The following TRAPPC9 variants were observed in gnomAD, a reference collection of about 807,000 sequenced individuals.
TRAPPC9 encodes trafficking protein particle complex subunit 9, also known as IKK2 binding protein.
Under a neutral mutation model 124.0 loss-of-function variants are expected in TRAPPC9, and 83 were observed. The ratio of observed to expected loss-of-function variants is 0.67; its 90% CI spans 0.56 to 0.80. The LOEUF (loss-of-function observed/expected upper bound fraction) is 0.80. TRAPPC9 is among the 30% of genes least tolerant of loss of function. The pLI is 0.00. For synonymous variants in TRAPPC9, 638 were observed against 617.5 expected, an observed-to-expected ratio of 1.03 and a Z score of -0.49; for missense variants, 1,302 against 1,508.3, an observed-to-expected ratio of 0.86 and a Z score of 2.27.
At chr8:139,936,494 A>C (rs1833526527) in intron 19 of TRAPPC9, among the ~76,000 whole-genome samples, 1 of 152,156 alleles carries the variant, frequency 6.6e-6, no homozygotes, top group Admixed American at 6.5e-5. Context: ...ATCCAGTGGG[A>C]GCATGGGGAA....
chr8:139,732,177 A>T lies in TRAPPC9; in HGVS notation c.3081T>A (p.Cys1027Ter), dbSNP rs1396055151. ...GGCAGGCCGCCACAGCCTCGCGGTC[A>T]CATGGCTGTCCGTCCACCAGCACAT... ...QWDVLVDGQP[C>*]DREAVAACQV... is the part of the protein sequence containing the mutation. The change falls in exon 22 of 23, where the codon TGT becomes TGA. Residue 1027 changes from cysteine to a stop codon, truncating the protein, a stop_gained. Transcript: ENST00000438773. LOFTEE classifies it high-confidence loss of function. 1 of 1,596,808 alleles carries T rather than the reference A, an allele frequency of 6.3e-7. No individual in the cohort carries two copies. The highest frequency in any genetic ancestry group is 2.2e-5 in the East Asian group (1 of 44,482).
At chr8:140,045,234 G>A (rs1841509435) in intron 17 of TRAPPC9, among the ~76,000 whole-genome samples, 1 of 152,192 alleles carries the variant, frequency 6.6e-6, no homozygotes, top group Admixed American at 6.5e-5. Context: ...CTGACCCTCT[G>A]CGCTTCAGCT....
chr8:139,848,391 CAGTCT>C (rs1827235898), intron 21 of TRAPPC9, among the ~76,000 whole-genome samples: 1 of 152,258 alleles, frequency 6.6e-6, no homozygotes, highest in African/African-American at 2.4e-5. Context: ...CACAGATATC[CAGTCT>C]AGAGTGGCAT....
At chr8:140,089,994 C>T (rs1230240972) in intron 17 of TRAPPC9, among the ~76,000 whole-genome samples, 1 of 152,088 alleles carries the variant, frequency 6.6e-6, no homozygotes, top group Non-Finnish European at 1.5e-5. Context: ...GCAGGAAAAT[C>T]ACTTGAACAC....
chr8:140,397,394 C>CAAAA (rs144500970), intron 7 of TRAPPC9, among the ~76,000 whole-genome samples: 5 of 151,622 alleles, frequency 3.3e-5, no homozygotes, highest in African/African-American at 1.2e-4. Context: ...AAAAAACAAA[C>CAAAA]AAAAAAAATG....
At chr8:140,167,178 G>A (rs2061855231) in intron 17 of TRAPPC9, among the ~76,000 whole-genome samples, 1 of 151,770 alleles carries the variant, frequency 6.6e-6, no homozygotes. Context: ...CAATCAGTTT[G>A]AGATCAGAGT....
At chr8:140,230,099 G>T (rs2063555670) in intron 16 of TRAPPC9, among the ~76,000 whole-genome samples, 1 of 152,074 alleles carries the variant, frequency 6.6e-6, no homozygotes, top group South Asian at 2.1e-4. Flanking sequence ...CAGCAGCAAG[G>T]CCATCTCACA....
intron 17 of TRAPPC9, chr8:140,039,820 C>T (rs1210381654): frequency 6.6e-6 from 1 of 152,244 alleles, no homozygotes; most frequent in Non-Finnish European, 1.5e-5. Context: ...CTACTTTCAA[C>T]CCTGGACAAC....
chr8:139,936,634 G>A (rs1833536339), intron 19 of TRAPPC9, among the ~76,000 whole-genome samples: 1 of 151,768 alleles, frequency 6.6e-6, no homozygotes, highest in Non-Finnish European at 1.5e-5. Flanking sequence ...AGTGGGCACT[G>A]AGTGTGGTGA....
At chr8:140,369,396 A>G (rs2068213668) in intron 8 of TRAPPC9, among the ~76,000 whole-genome samples, 1 of 152,232 alleles carries the variant, frequency 6.6e-6, no homozygotes, top group African/African-American at 2.4e-5. Flanking sequence ...TTGCCATCGC[A>G]TCACTCACCC....
chr8:140,360,096 G>C lies in TRAPPC9; in HGVS notation c.1449C>G (p.His483Gln). ...RMGNPALSVR[H>Q]LSFLLQTMLD... ...GCATGGTCTGTAGAAGGAAGGACAG[G>C]TGTCTGACAGAGAGGGCAGGGTTCC... Residue 483 changes from histidine (H) to glutamine (Q), a missense_variant, in exon 9 of 23, where the codon CAC becomes CAG. Around this residue, in one of 3 missense-constraint regions of TRAPPC9, gnomAD observed 657 missense variants for 811.2 expected, o/e 0.81. Transcript: ENST00000438773. 6.2e-7 allele frequency: 1 copy of C among 1,614,222 alleles called. No individual in the cohort carries two copies. Among genetic ancestry groups the C allele is most frequent in the Non-Finnish European group, 8.5e-7 (1 of 1,180,050 alleles).
intron 17 of TRAPPC9, among the ~76,000 whole-genome samples, chr8:140,085,730 C>T (rs914381006): frequency 2.0e-5 from 3 of 152,238 alleles, no homozygotes; most frequent in African/African-American, 7.2e-5. Flanking sequence ...GTCCACGCCA[C>T]CCTGCCCCTA....
intron 18 of TRAPPC9, among the ~76,000 whole-genome samples, chr8:139,992,135 A>C (rs1244621354): frequency 1.3e-5 from 2 of 152,236 alleles, no homozygotes; most frequent in Non-Finnish European, 2.9e-5. Context: ...CATCAACTAA[A>C]AACAATTACA....
chr8:139,914,979 G>A (rs1832020112), intron 19 of TRAPPC9: 1 of 152,236 alleles, frequency 6.6e-6, no homozygotes, highest in African/African-American at 2.4e-5. Flanking sequence ...AAGTGACTCG[G>A]AACCGTGGCT....
At chr8:140,145,593 T>C (rs2130796847) in intron 17 of TRAPPC9, among the ~76,000 whole-genome samples, 1 of 152,374 alleles carries the variant, frequency 6.6e-6, no homozygotes, top group African/African-American at 2.4e-5. Flanking sequence ...TGTTCTGCTG[T>C]AGAACCATCT....
chr8:140,257,282 C>T lies in TRAPPC9; in HGVS notation c.2279-4353G>A, dbSNP rs1288119333. 1.3e-5 allele frequency among the ~76,000 whole-genome samples: 2 copies of T among 152,348 alleles called. No individual in the cohort carries two copies. The highest frequency in any genetic ancestry group is 1.9e-4 in the East Asian group (1 of 5,176). On this transcript the variant is annotated intron_variant, in intron 15 of 22. Coordinates refer to ENST00000438773, the MANE Select transcript of TRAPPC9 (RefSeq NM_001160372.4). The surrounding 1 kb of genome is among the most constrained non-coding windows in gnomAD (Gnocchi z 4.6). ...GTGAACCCTGGCCCTCACACCCATT[C>T]ACCGTGCCTCAGTCCTCTGGCAGCT...
intron 17 of TRAPPC9, among the ~76,000 whole-genome samples, chr8:140,174,528 C>CA (rs2062024708): frequency 6.6e-6 from 1 of 152,098 alleles, no homozygotes; most frequent in Non-Finnish European, 1.5e-5. Context: ...TCCATCATCC[C>CA]AAAAAGAAAT....
intron 20 of TRAPPC9, among the ~76,000 whole-genome samples, chr8:139,903,347 G>A (rs1587151851): frequency 6.6e-6 from 1 of 152,238 alleles, no homozygotes; most frequent in South Asian, 2.1e-4. Context: ...GATGCGCCTG[G>A]TGGGAAGAGA....
intron 21 of TRAPPC9, among the ~76,000 whole-genome samples, chr8:139,884,992 C>T (rs564283604): frequency 3.3e-5 from 5 of 152,308 alleles, no homozygotes; most frequent in Admixed American, 6.5e-5. Context: ...GGAATCATTT[C>T]CATGTGTCTC....
Sources: gnomAD v4.1 joint callset for allele counts (sites outside exome capture counted in the v4.1 genomes callset) on GRCh38, gnomAD v4.1.1 for gene constraint, gnomAD v4.1.1 regional missense constraint, Gnocchi (gnomAD v3.1) non-coding constraint, MANE v1.5 for transcripts, NCBI Gene and HGNC (gene_info 2026-07-23, HGNC 2026-07-21) for gene names.